IGF2BP3: variants seen among roughly 807,000 people sequenced by gnomAD.
IGF2BP3 encodes insulin like growth factor 2 mRNA binding protein 3, also known as insulin-like growth factor 2 mRNA-binding protein 3.
Under a neutral mutation model 73.8 loss-of-function variants are expected in IGF2BP3, and 9 were observed. The observed-to-expected ratio is 0.12, with a 90% CI of 0.07 to 0.21. IGF2BP3 has a LOEUF of 0.21. Ranked by LOEUF, IGF2BP3 falls within the 10% of genes least tolerant of loss-of-function variation. IGF2BP3 has a pLI of 1.00. For missense variants in IGF2BP3, 542 were observed against 714.0 expected, an observed-to-expected ratio of 0.76 and a Z score of 2.75; for synonymous variants, 258 against 256.7, an observed-to-expected ratio of 1.01 and a Z score of -0.05.
In IGF2BP3 at chr7:23,312,304, T is replaced by C; in HGVS notation, c.*58A>G. The C allele has an allele frequency of 2.4e-6, 3 of 1,254,788 alleles. No individual in the cohort carries two copies. The South Asian group carries it at 3.6e-5, about 15-fold the overall frequency. 77.7% of individuals were successfully genotyped at this position (1,254,788 alleles called of 1,614,324 possible). A position where few individuals can be genotyped will look rare whatever the true frequency, so the allele number is the denominator to read the frequency against. On this transcript the variant is annotated 3_prime_UTR_variant, in exon 15 of 15. Transcript: ENST00000258729. ...TAGGGGGTCAGCGCCCATCTGTTGG[T>C]TAAGCAATCTGTCTTTGGTTTGGCA... is the stretch of plus-strand genomic sequence containing the variant.
At chr7:23,337,852 T>C (rs143631863) in intron 10 of IGF2BP3, among the ~76,000 whole-genome samples, 2 of 152,272 alleles carry the variant, frequency 1.3e-5, no homozygotes, top group African/African-American at 4.8e-5. Flanking sequence ...ATCCTTCTTG[T>C]TGGCTGGAAA....
At chr7:23,377,440 A>G (rs1562711749) in intron 3 of IGF2BP3, among the ~76,000 whole-genome samples, 1 of 152,238 alleles carries the variant, frequency 6.6e-6, no homozygotes, top group Non-Finnish European at 1.5e-5. Flanking sequence ...CTTCACACCC[A>G]CTAGGATGGC....
chr7:23,448,017 T>TA (rs1226430031), intron 2 of IGF2BP3, among the ~76,000 whole-genome samples: 1 of 152,042 alleles, frequency 6.6e-6, no homozygotes, highest in Non-Finnish European at 1.5e-5. Flanking sequence ...TATCCAGTGA[T>TA]AAAAGTCAGC....
intron 10 of IGF2BP3, among the ~76,000 whole-genome samples, chr7:23,331,940 G>A (rs1485776767): frequency 3.9e-5 from 6 of 152,024 alleles, no homozygotes; most frequent in Admixed American, 6.6e-5. Flanking sequence ...CAATCGTGGC[G>A]GAAGACAAAT....
At chr7:23,458,363 A>G (rs1788368257) in intron 2 of IGF2BP3, among the ~76,000 whole-genome samples, 1 of 151,974 alleles carries the variant, frequency 6.6e-6, no homozygotes, top group Admixed American at 6.6e-5. Context: ...CCTCACCGAG[A>G]GGTTTCAGCA....
In IGF2BP3 at chr7:23,395,004, G is replaced by A. The variant is rs1393624847; in HGVS notation, c.285+23772C>T. ...CAGATTTGCTGAGAAAGAAGAACAT[G>A]GAGTAATGATGGGTGTAAGCTCAGA... On this transcript the variant is annotated intron_variant, in intron 3 of 14. Transcript: ENST00000258729. Among the ~76,000 whole-genome samples the A allele has an allele frequency of 2.0e-5, 3 of 152,268 alleles. No homozygotes were observed. In the East Asian group the frequency reaches 5.8e-4, roughly 29 times the overall value.
At chr7:23,356,607 C>T in intron 5 of IGF2BP3, among the ~76,000 whole-genome samples, 1 of 152,146 alleles carries the variant, frequency 6.6e-6, no homozygotes, top group Non-Finnish European at 1.5e-5. Flanking sequence ...CTAAAAATCT[C>T]TTCTTTTTTA....
At chr7:23,462,141 G>T (rs1788463135) in intron 2 of IGF2BP3, among the ~76,000 whole-genome samples, 1 of 152,148 alleles carries the variant, frequency 6.6e-6, no homozygotes, top group Non-Finnish European at 1.5e-5. Context: ...GGCACATGTG[G>T]ATCAGAAACC....
chr7:23,392,508 A>G (rs1345274380), intron 3 of IGF2BP3, among the ~76,000 whole-genome samples: 1 of 147,310 alleles, frequency 6.8e-6, no homozygotes, highest in Admixed American at 6.7e-5. Flanking sequence ...ACATATGCAC[A>G]TATATATACA....
intron 2 of IGF2BP3, among the ~76,000 whole-genome samples, chr7:23,433,240 T>TC (rs1430053622): frequency 6.6e-6 from 1 of 152,164 alleles, no homozygotes; most frequent in Non-Finnish European, 1.5e-5. Context: ...TATATTTTTT[T>TC]CCCAGCAACA....
chr7:23,401,228 G>T (rs531270956), intron 3 of IGF2BP3, among the ~76,000 whole-genome samples: 1 of 152,314 alleles, frequency 6.6e-6, no homozygotes, highest in East Asian at 1.9e-4. Context: ...TGGCCGAGTA[G>T]TAGGACCCCT....
chr7:23,436,850 T>C (rs909981949), intron 2 of IGF2BP3, among the ~76,000 whole-genome samples: 3 of 152,216 alleles, frequency 2.0e-5, no homozygotes, highest in African/African-American at 7.2e-5. Flanking sequence ...GCCCGGTGGC[T>C]CACACCTGTA....
chr7:23,366,988 CTTTTTTT>C (rs397942338), intron 3 of IGF2BP3, among the ~76,000 whole-genome samples: 8 of 116,184 alleles, frequency 6.9e-5, no homozygotes, highest in South Asian at 2.8e-4. Context: ...TCACATTTTG[CTTTTTTT>C]TTTTTTTTTT....
intron 3 of IGF2BP3, chr7:23,362,393 G>T (rs1257411632): frequency 6.6e-6 from 1 of 152,220 alleles, no homozygotes; most frequent in Non-Finnish European, 1.5e-5. Context: ...AGACAGCACA[G>T]TGCATACTCT....
chr7:23,397,991 G>A (rs1202858639), intron 3 of IGF2BP3, among the ~76,000 whole-genome samples: 1 of 152,214 alleles, frequency 6.6e-6, no homozygotes, highest in African/African-American at 2.4e-5. Flanking sequence ...TCTGAGGACA[G>A]AAGCAGAGGC....
At chr7:23,332,179 T>C (rs1198731674) in intron 10 of IGF2BP3, among the ~76,000 whole-genome samples, 1 of 152,174 alleles carries the variant, frequency 6.6e-6, no homozygotes, top group Non-Finnish European at 1.5e-5. Context: ...ACTAGTTTCC[T>C]ACAAATGAAA....
chr7:23,386,728 G>A (rs2128519487), intron 3 of IGF2BP3, among the ~76,000 whole-genome samples: 1 of 152,262 alleles, frequency 6.6e-6, no homozygotes, highest in South Asian at 2.1e-4. Context: ...GCAGGGAGGG[G>A]TGGTGGTGCA....
intron 2 of IGF2BP3, among the ~76,000 whole-genome samples, chr7:23,419,782 G>C (rs1787292586): frequency 6.6e-6 from 1 of 152,232 alleles, no homozygotes; most frequent in Non-Finnish European, 1.5e-5. Context: ...GAACCTGGGA[G>C]GCGGAGGTTG....
At position 23,422,187 on chromosome 7, in the gene IGF2BP3, C is replaced by T. The variant is rs147948479; in HGVS notation, c.237-3363G>A. Among the ~76,000 whole-genome samples, 380 of 152,146 alleles carry T rather than the reference C, an allele frequency of 2.5e-3. 1 individual carries two copies. Among genetic ancestry groups the T allele is most frequent in the African/African-American group, 8.8e-3 (365 of 41,498 alleles). On this transcript the variant is annotated intron_variant, in intron 2 of 14. Coordinates refer to ENST00000258729, the MANE Select transcript of IGF2BP3 (RefSeq NM_006547.3). ...TCATTTTGGAGGGTGTATATATTACCAAAAAATTTTCCCAAAAGTACACAT... is the reference window on the plus strand; with the variant it reads ...TCATTTTGGAGGGTGTATATATTACTAAAAAATTTTCCCAAAAGTACACAT...
Sources: allele counts gnomAD v4.1 joint callset (sites outside exome capture counted in the v4.1 genomes callset), GRCh38; gene constraint gnomAD v4.1.1; transcripts MANE v1.5; gene names NCBI Gene and HGNC (gene_info 2026-07-23, HGNC 2026-07-21).